PGCKA1: variants seen among roughly 807,000 people sequenced by gnomAD.
PGCKA1 encodes the protein PDCD10 and GCKIII kinases associated 1.
chr4:37,538,347 G>A, the PGCKA1 span, among the ~76,000 whole-genome samples: 1 of 152,322 alleles, frequency 6.6e-6, no homozygotes, highest in South Asian at 2.1e-4. Context: ...CCACATGTGT[G>A]AGAAAATTGA....
chr4:37,555,287 G>A, the PGCKA1 span, among the ~76,000 whole-genome samples: 1 of 152,176 alleles, frequency 6.6e-6, no homozygotes, highest in East Asian at 1.9e-4. Flanking sequence ...CTCAGTAACA[G>A]CTTACTAAGT....
the PGCKA1 span, among the ~76,000 whole-genome samples, chr4:37,502,846 C>T: frequency 6.6e-6 from 1 of 151,962 alleles, no homozygotes; most frequent in Non-Finnish European, 1.5e-5. Context: ...CCCTAGGGCA[C>T]CCAGGGCTGT....
chr4:37,516,875 C>T, the PGCKA1 span, among the ~76,000 whole-genome samples: 449 of 152,218 alleles, frequency 2.9e-3, 1 homozygote, highest in Middle Eastern at 0.024. Context: ...CATATGTTTG[C>T]ATGTGAGATG....
chr4:37,591,186 C>A, the PGCKA1 span: 1 of 573,920 alleles, frequency 1.7e-6, no homozygotes, highest in Non-Finnish European at 3.1e-6. Flanking sequence ...TCTGGAGTTT[C>A]ACTCTGTGTA....
At chr4:37,547,143 T>C in the PGCKA1 span, among the ~76,000 whole-genome samples, 12 of 152,160 alleles carry the variant, frequency 7.9e-5, no homozygotes, top group African/African-American at 2.9e-4. Flanking sequence ...TGGTTTTGAC[T>C]TGGTTTAAAT....
the PGCKA1 span, among the ~76,000 whole-genome samples, chr4:37,526,346 A>C: frequency 1.3e-4 from 20 of 152,346 alleles, 1 homozygote; most frequent in South Asian, 3.9e-3. Flanking sequence ...AATTCATAGT[A>C]ATACCTTACA....
At chr4:37,554,485 C>T in the PGCKA1 span, among the ~76,000 whole-genome samples, 127 of 152,198 alleles carry the variant, frequency 8.3e-4, 2 homozygotes, top group East Asian at 0.02. Context: ...GTAGCTGGGA[C>T]TACAGGCATG....
the PGCKA1 span, among the ~76,000 whole-genome samples, chr4:37,494,271 C>G: frequency 6.6e-6 from 1 of 152,226 alleles, no homozygotes; most frequent in Admixed American, 6.5e-5. Flanking sequence ...TTTTCCTGAT[C>G]CTCCCTTCTA....
At chr4:37,528,254 G>A in the PGCKA1 span, among the ~76,000 whole-genome samples, 1 of 152,142 alleles carries the variant, frequency 6.6e-6, no homozygotes, top group African/African-American at 2.4e-5. Flanking sequence ...GGGATTTTGT[G>A]TTGTCATTCA....
chr4:37,537,031 C>T, the PGCKA1 span, among the ~76,000 whole-genome samples: 4 of 152,172 alleles, frequency 2.6e-5, no homozygotes, highest in Non-Finnish European at 5.9e-5. Flanking sequence ...AAGACAGGCC[C>T]GGAAGCTGAA....
chr4:37,556,440 TGTA>T, the PGCKA1 span, among the ~76,000 whole-genome samples: 3 of 134,982 alleles, frequency 2.2e-5, no homozygotes, highest in Non-Finnish European at 4.8e-5. Flanking sequence ...GTTAATTTTT[TGTA>T]TTTTTAGTAG....
At chr4:37,467,768 T>C in the PGCKA1 span, among the ~76,000 whole-genome samples, 1 of 152,256 alleles carries the variant, frequency 6.6e-6, no homozygotes, top group Non-Finnish European at 1.5e-5. Flanking sequence ...AATAAATATG[T>C]CTTTCTCCTC....
chr4:37,475,257 TC>T, the PGCKA1 span, among the ~76,000 whole-genome samples: 12 of 152,238 alleles, frequency 7.9e-5, no homozygotes, highest in Admixed American at 4.6e-4. Context: ...CCTCCTTCCC[TC>T]CCCTTTATAC....
At chr4:37,487,619 A>T in the PGCKA1 span, among the ~76,000 whole-genome samples, 2 of 152,226 alleles carry the variant, frequency 1.3e-5, no homozygotes, top group Non-Finnish European at 2.9e-5. Context: ...ATTACCCAGG[A>T]AAACCCTCTT....
At chr4:37,526,683 C>T in the PGCKA1 span, among the ~76,000 whole-genome samples, 7 of 152,278 alleles carry the variant, frequency 4.6e-5, no homozygotes, top group South Asian at 6.2e-4. Context: ...CCACCTTACT[C>T]ACGTGTTTGT....
chr4:37,557,035 A>G, the PGCKA1 span, among the ~76,000 whole-genome samples: 2 of 152,202 alleles, frequency 1.3e-5, no homozygotes, highest in Non-Finnish European at 2.9e-5. Context: ...GACAGAGCTC[A>G]TTATCTCGAT....
chr4:37,472,368 G>A, the PGCKA1 span, among the ~76,000 whole-genome samples: 4 of 152,110 alleles, frequency 2.6e-5, no homozygotes, highest in Non-Finnish European at 5.9e-5. Flanking sequence ...TCTTTGTCCT[G>A]AATCTATCAA....
At chr4:37,584,919 T>C in the PGCKA1 span, among the ~76,000 whole-genome samples, 5 of 152,048 alleles carry the variant, frequency 3.3e-5, no homozygotes, top group East Asian at 9.8e-4. Flanking sequence ...TAATGTTTTA[T>C]GATTGCTTCA....
the PGCKA1 span, chr4:37,590,460 C>G: frequency 6.2e-7 from 1 of 1,610,880 alleles, no homozygotes; most frequent in Non-Finnish European, 8.5e-7. Context: ...CAACTCAACC[C>G]TTCCTGGAAG....
Sources: allele counts gnomAD v4.1 joint callset (sites outside exome capture counted in the v4.1 genomes callset), GRCh38; gene constraint gnomAD v4.1.1; transcripts MANE v1.5; gene names NCBI Gene and HGNC (gene_info 2026-07-23, HGNC 2026-07-21).